The following HMGA2 variants were observed in gnomAD, a reference collection of about 807,000 sequenced individuals.
The protein encoded by HMGA2 is high mobility group protein HMGI-C.
In HMGA2, 8 loss-of-function variants were observed where a neutral mutation model predicts 19.1. The observed-to-expected ratio is 0.42, with a 90% CI of 0.25 to 0.76. The LOEUF is 0.76. HMGA2 is among the 30% of genes least tolerant of loss of function. The probability of loss-of-function intolerance (pLI) is 0.28; values close to 1 mark genes in which losing one functional copy is unlikely to be tolerated. For synonymous variants in HMGA2, 60 were observed against 48.8 expected (o/e 1.23, Z -0.96); for missense variants, 109 against 136.3 (o/e 0.80, Z 1.00).
intron 3 of HMGA2, among the ~76,000 whole-genome samples, chr12:65,882,943 A>G (rs2121106393): frequency 6.6e-6 from 1 of 152,338 alleles, no homozygotes; most frequent in African/African-American, 2.4e-5. Flanking sequence ...TTGATGTTGA[A>G]TTGTTTAATC....
intron 4 of HMGA2, chr12:65,953,416 G>A (rs1876520048): frequency 6.6e-6 from 1 of 152,058 alleles, no homozygotes; most frequent in South Asian, 2.1e-4. Context: ...GTTGCAGAAG[G>A]GAAAACTGAA....
rs978784350 is a variant in HMGA2 at position 65,964,079 on chromosome 12, C to G, written c.*787C>G. ...GGACAACACTTCATTTTCAGGAAATCTACTTCCTACAGAGCCAAAATGCCA... is the reference window on the plus strand; with the variant it reads ...GGACAACACTTCATTTTCAGGAAATGTACTTCCTACAGAGCCAAAATGCCA... On this transcript the variant is annotated 3_prime_UTR_variant, in exon 5 of 5. Coordinates refer to ENST00000403681, the MANE Select transcript of HMGA2 (RefSeq NM_003483.6). 7.8e-5 allele frequency: 16 copies of G among 204,904 alleles called. No individual in the cohort carries two copies. The highest frequency in any genetic ancestry group is 1.5e-4 in the Non-Finnish European group (15 of 100,208). 12.7% of individuals were successfully genotyped at this position (204,904 alleles called of 1,614,324 possible). A position where few individuals can be genotyped will look rare whatever the true frequency, so the allele number is the denominator to read the frequency against.
intron 3 of HMGA2, chr12:65,842,700 G>A: frequency 6.6e-7 from 1 of 1,513,546 alleles, no homozygotes; most frequent in South Asian, 1.2e-5. Context: ...GCCTCAAGAT[G>A]TACATACAGA....
rs968488604 is a variant in HMGA2 at position 65,825,686 on chromosome 12, G to T, written c.111+305G>T. Among the ~76,000 whole-genome samples, 2 of 152,084 alleles carry T rather than the reference G, an allele frequency of 1.3e-5. No homozygotes were observed. The highest frequency in any genetic ancestry group is 6.5e-5 in the Admixed American group (1 of 15,274). On this transcript the variant is annotated intron_variant, in intron 1 of 4. Transcript: ENST00000403681. The surrounding 1 kb of genome is among the most constrained non-coding windows in gnomAD (Gnocchi z 4.4). ...GCACGGCCCCGAGTGGCGCGGTGTC[G>T]CCCAGTGACTGGAAGCGACCGGGAT...
intron 1 of HMGA2, among the ~76,000 whole-genome samples, chr12:65,827,751 CA>C (rs1470835117): frequency 6.6e-6 from 1 of 152,108 alleles, no homozygotes; most frequent in African/African-American, 2.4e-5. Flanking sequence ...TCTTTGTTAC[CA>C]TTTTAGGTTT....
chr12:65,894,392 A>C (rs997409149), intron 3 of HMGA2, among the ~76,000 whole-genome samples: 1 of 152,098 alleles, frequency 6.6e-6, no homozygotes, highest in African/African-American at 2.4e-5. Flanking sequence ...ATTTCAGAGA[A>C]CTCTATAGTG....
intron 3 of HMGA2, among the ~76,000 whole-genome samples, chr12:65,875,478 C>A (rs955813422): frequency 2.6e-5 from 4 of 151,780 alleles, no homozygotes. Flanking sequence ...GGCTGGAGTG[C>A]AGTGGTGTGA....
chr12:65,964,734 G>GT lies in HMGA2; in HGVS notation c.*1449dup, dbSNP rs755710279. The GT allele has an allele frequency of 1.5e-5, 3 of 197,130 alleles. No individual in the cohort carries two copies. The highest frequency in any genetic ancestry group is 1.1e-5 in the Non-Finnish European group (1 of 95,052). 12.2% of individuals were successfully genotyped at this position (197,130 alleles called of 1,614,324 possible). A position where few individuals can be genotyped will look rare whatever the true frequency, so the allele number is the denominator to read the frequency against. Reference sequence around the variant, plus strand: ...TCAGCATGACTATGTATTTTTCTATGTTTTTTTAATTAAAAATTTTTAAAA... The same window carrying GT: ...TCAGCATGACTATGTATTTTTCTATGTTTTTTTTAATTAAAAATTTTTAAAA... On this transcript the variant is annotated 3_prime_UTR_variant, in exon 5 of 5. Coordinates refer to ENST00000403681, the MANE Select transcript of HMGA2 (RefSeq NM_003483.6).
intron 3 of HMGA2, among the ~76,000 whole-genome samples, chr12:65,846,936 C>T (rs1339339423): frequency 6.6e-6 from 1 of 152,262 alleles, no homozygotes; most frequent in South Asian, 2.1e-4. Context: ...AATTAAATTA[C>T]AGTTTTCAAG....
chr12:65,854,697 C>G (rs1001326692), intron 3 of HMGA2, among the ~76,000 whole-genome samples: 3 of 152,226 alleles, frequency 2.0e-5, no homozygotes, highest in African/African-American at 7.2e-5. Context: ...GCCCAACATG[C>G]ATTAGCTATT....
intron 3 of HMGA2, among the ~76,000 whole-genome samples, chr12:65,861,002 G>A (rs754541167): frequency 1.3e-3 from 203 of 152,258 alleles, no homozygotes; most frequent in Non-Finnish European, 1.5e-3. Flanking sequence ...TGCAGAACTG[G>A]AAAAAGATGT....
chr12:65,910,377 C>T (rs1874791978), intron 3 of HMGA2, among the ~76,000 whole-genome samples: 1 of 152,156 alleles, frequency 6.6e-6, no homozygotes, highest in African/African-American at 2.4e-5. Context: ...ATATTGCAGT[C>T]ATGAACAATA....
chr12:65,952,543 T>G, intron 4 of HMGA2: 1 of 1,411,556 alleles, frequency 7.1e-7, no homozygotes, highest in Admixed American at 2.6e-5. Flanking sequence ...AAAATCATTT[T>G]CATTGCTGCT....
At chr12:65,892,350 A>C (rs974396752) in intron 3 of HMGA2, among the ~76,000 whole-genome samples, 5 of 152,270 alleles carry the variant, frequency 3.3e-5, no homozygotes, top group African/African-American at 1.2e-4. Context: ...GCCTGCCAGC[A>C]CCACGAGAGT....
chr12:65,881,712 A>C (rs1221555056), intron 3 of HMGA2: 1 of 702,200 alleles, frequency 1.4e-6, no homozygotes, highest in Non-Finnish European at 2.6e-6. Flanking sequence ...GGAGAGCTTC[A>C]CTCACTGACT....
At chr12:65,919,678 A>G (rs1014307274) in intron 3 of HMGA2, among the ~76,000 whole-genome samples, 1 of 152,274 alleles carries the variant, frequency 6.6e-6, no homozygotes, top group Non-Finnish European at 1.5e-5. Flanking sequence ...CATTAAATTG[A>G]TAAGAATTAC....
intron 3 of HMGA2, among the ~76,000 whole-genome samples, chr12:65,879,393 G>A (rs1376949686): frequency 6.6e-6 from 1 of 152,064 alleles, no homozygotes; most frequent in Admixed American, 6.5e-5. Flanking sequence ...CCCCCGCAAA[G>A]TGCTGGGATT....
In HMGA2 at chr12:65,893,106, C is replaced by A. The variant is rs114423330; in HGVS notation, c.249+54537C>A. 4.8e-3 allele frequency among the ~76,000 whole-genome samples: 735 copies of A among 152,270 alleles called. 6 individuals are homozygous for A. Among genetic ancestry groups the A allele is most frequent in the African/African-American group, 0.017 (701 of 41,558 alleles). On this transcript the variant is annotated intron_variant, in intron 3 of 4. Transcript: ENST00000403681. ...GTCACAGGCTCCTATTATAGTCATGCCCCACTGACTCAGCCCCCATTTCCT... is the reference window on the plus strand; with the variant it reads ...GTCACAGGCTCCTATTATAGTCATGACCCACTGACTCAGCCCCCATTTCCT...
intron 3 of HMGA2, chr12:65,860,108 A>AAAGAT (rs1198332038): frequency 2.4e-6 from 1 of 425,030 alleles, no homozygotes; most frequent in Admixed American, 2.6e-5. Flanking sequence ...AAAGAAAAGA[A>AAAGAT]AAGAGAAAAG....
Sources: gnomAD v4.1 joint callset for allele counts (sites outside exome capture counted in the v4.1 genomes callset) on GRCh38, gnomAD v4.1.1 for gene constraint, Gnocchi (gnomAD v3.1) non-coding constraint, MANE v1.5 for transcripts, NCBI Gene and HGNC (gene_info 2026-07-23, HGNC 2026-07-21) for gene names.